The following SUGCT variants were observed in gnomAD, a reference collection of about 807,000 sequenced individuals.
SUGCT encodes the protein succinyl-CoA:glutarate CoA-transferase.
A neutral mutation model predicts 55.0 loss-of-function variants in SUGCT; 41 were observed. That is an observed-to-expected ratio of 0.74 (90% CI 0.58 to 0.97). SUGCT has a LOEUF of 0.97. Ranked by LOEUF, SUGCT falls within the 50% of genes least tolerant of loss-of-function variation. The pLI is 0.00. For missense variants in SUGCT, 568 were observed against 547.8 expected, an observed-to-expected ratio of 1.04 and a Z score of -0.37; for synonymous variants, 187 against 200.4, an observed-to-expected ratio of 0.93 and a Z score of 0.56.
intron 12 of SUGCT, among the ~76,000 whole-genome samples, chr7:40,726,418 T>G (rs1313403689): frequency 2.0e-5 from 3 of 152,028 alleles, no homozygotes; most frequent in African/African-American, 7.2e-5. Flanking sequence ...ATCTTCACAT[T>G]GAATAGGCTG....
At chr7:40,163,342 A>G (rs545734681) in intron 1 of SUGCT, among the ~76,000 whole-genome samples, 17 of 152,242 alleles carry the variant, frequency 1.1e-4, no homozygotes, top group African/African-American at 4.1e-4. Context: ...ATAGTTGCTC[A>G]CACCTGTAAT....
the SUGCT span, among the ~76,000 whole-genome samples, chr7:40,935,402 C>CCAA: frequency 6.6e-6 from 1 of 152,152 alleles, no homozygotes; most frequent in Non-Finnish European, 1.5e-5. Context: ...GTTACTTTGT[C>CCAA]ACTCCAATTC....
the SUGCT span, among the ~76,000 whole-genome samples, chr7:40,987,562 A>C: frequency 6.6e-6 from 1 of 152,206 alleles, no homozygotes; most frequent in Admixed American, 6.5e-5. Context: ...CTGGAGGTTC[A>C]GAAGAAAAGG....
the SUGCT span, among the ~76,000 whole-genome samples, chr7:40,892,582 G>A: frequency 6.6e-6 from 1 of 152,152 alleles, no homozygotes; most frequent in African/African-American, 2.4e-5. Context: ...CACCCAGGCT[G>A]TAGTGCAATG....
chr7:40,449,502 G>A, intron 10 of SUGCT, 144 bp downstream of exon 10: 1 of 616,606 alleles, frequency 1.6e-6, no homozygotes, highest in Non-Finnish European at 2.9e-6. Context: ...ATAAGGCAGA[G>A]TCCAAATTAG....
chr7:40,747,333 C>T (rs7778021), intron 12 of SUGCT, among the ~76,000 whole-genome samples: 58,138 of 151,954 alleles, frequency 0.38, 12,748 homozygotes, highest in South Asian at 0.57. Context: ...AAAGGTCACC[C>T]GTGAAGTTGT....
At chr7:40,576,688 T>G (rs1179944988) in intron 12 of SUGCT, among the ~76,000 whole-genome samples, 3 of 152,232 alleles carry the variant, frequency 2.0e-5, no homozygotes, top group African/African-American at 7.2e-5. Context: ...CTGAGTTTTA[T>G]TAGAGCCATT....
intron 9 of SUGCT, among the ~76,000 whole-genome samples, chr7:40,359,722 G>A (rs536479988): frequency 7.8e-4 from 118 of 152,230 alleles, no homozygotes; most frequent in Middle Eastern, 6.8e-3. Flanking sequence ...CTTCCCCTGA[G>A]AAGTTGTAAT....
chr7:40,400,420 C>T (rs141374746), intron 9 of SUGCT, among the ~76,000 whole-genome samples: 5 of 152,100 alleles, frequency 3.3e-5, no homozygotes, highest in Admixed American at 1.3e-4. Context: ...GGTCACATAG[C>T]GAGAACATAG....
intron 11 of SUGCT, among the ~76,000 whole-genome samples, chr7:40,483,475 A>T (rs978744028): frequency 2.0e-5 from 3 of 152,200 alleles, no homozygotes; most frequent in Non-Finnish European, 4.4e-5. Flanking sequence ...TTATCATAAT[A>T]AGCTTATGAG....
chr7:40,448,926 G>GTA (rs1789019603), intron 9 of SUGCT, among the ~76,000 whole-genome samples: 1 of 128,274 alleles, frequency 7.8e-6, no homozygotes, highest in African/African-American at 3.3e-5. Context: ...GTGTATATAT[G>GTA]TGTGTGTGTG....
chr7:40,717,566 G>A (rs565577419), intron 12 of SUGCT, among the ~76,000 whole-genome samples: 1 of 152,350 alleles, frequency 6.6e-6, no homozygotes, highest in African/African-American at 2.4e-5. Context: ...TGTGGGGAAG[G>A]TTGGAGATTC....
chr7:40,640,118 C>T (rs1330800593), intron 12 of SUGCT, among the ~76,000 whole-genome samples: 1 of 152,186 alleles, frequency 6.6e-6, no homozygotes, highest in Non-Finnish European at 1.5e-5. Flanking sequence ...ATCCTTCCCT[C>T]AGACTTCTGG....
At chr7:40,452,056 C>T (rs527618404) in intron 10 of SUGCT, among the ~76,000 whole-genome samples, 2 of 152,324 alleles carry the variant, frequency 1.3e-5, no homozygotes, top group African/African-American at 2.4e-5. Context: ...TGCCTAGTCT[C>T]TTCCCAAAAT....
intron 13 of SUGCT, among the ~76,000 whole-genome samples, chr7:40,814,535 T>G (rs1179155780): frequency 2.6e-5 from 4 of 152,112 alleles, no homozygotes; most frequent in African/African-American, 9.6e-5. Context: ...AGTGAGGTTT[T>G]AAATTCCAGA....
intron 1 of SUGCT, among the ~76,000 whole-genome samples, chr7:40,136,126 T>C (rs1038323239): frequency 1.3e-5 from 2 of 151,340 alleles, no homozygotes; most frequent in African/African-American, 4.9e-5. Flanking sequence ...CTTTCTAGAG[T>C]AGCCGAGATT....
intron 13 of SUGCT, among the ~76,000 whole-genome samples, chr7:40,801,184 GT>G (rs1790797395): frequency 6.6e-6 from 1 of 152,230 alleles, no homozygotes; most frequent in African/African-American, 2.4e-5. Context: ...CCAGAATAGA[GT>G]GAAAGGGATG....
At chr7:40,989,241 A>C in the SUGCT span, among the ~76,000 whole-genome samples, 1 of 152,192 alleles carries the variant, frequency 6.6e-6, no homozygotes. Flanking sequence ...GTAACATGTG[A>C]TACTGTTTCA....
intron 9 of SUGCT, among the ~76,000 whole-genome samples, chr7:40,342,817 AT>A (rs919487001): frequency 1.6e-4 from 25 of 151,816 alleles, no homozygotes; most frequent in African/African-American, 6.1e-4. Context: ...TAATTTTTGT[AT>A]TTTTAGTAGA....
Sources: gnomAD v4.1 joint callset for allele counts (sites outside exome capture counted in the v4.1 genomes callset) on GRCh38, gnomAD v4.1.1 for gene constraint, MANE v1.5 for transcripts, NCBI Gene and HGNC (gene_info 2026-07-23, HGNC 2026-07-21) for gene names.